The following ZWILCH variants were observed in gnomAD, a reference collection of about 807,000 sequenced individuals.
The protein encoded by ZWILCH is zwilch kinetochore protein.
Under a neutral mutation model 79.9 loss-of-function variants are expected in ZWILCH, and 74 were observed. The observed-to-expected ratio is 0.93, with a 90% confidence interval of 0.77 to 1.12. ZWILCH has a LOEUF of 1.12. Among genes scored for constraint, ZWILCH ranks in the 50% most tolerant of loss-of-function variants. ZWILCH has a pLI of 0.00. For synonymous variants in ZWILCH, 241 were observed against 228.2 expected, an observed-to-expected ratio of 1.06 and a Z score of -0.51; for missense variants, 694 against 687.5, an observed-to-expected ratio of 1.01 and a Z score of -0.11.
intron 12 of ZWILCH, 99 bp downstream of exon 12, chr15:66,529,672 C>G (rs1318600456): frequency 1.7e-5 from 15 of 872,592 alleles, no homozygotes; most frequent in Non-Finnish European, 2.8e-5. Context: ...AATTTCAGCT[C>G]TGCTACTTTC....
chr15:66,532,883 T>C, intron 13 of ZWILCH, 102 bp from the exon 14 acceptor site: 1 of 788,614 alleles, frequency 1.3e-6, no homozygotes, highest in South Asian at 3.1e-5. Flanking sequence ...AATATGTAAT[T>C]TAAGAATTTA....
In ZWILCH at chr15:66,519,086, C is replaced by A; in HGVS notation, c.520+8C>A. On this transcript the variant is annotated splice_region_variant and intron_variant, in intron 5 of 18. Transcript: ENST00000307897. ...ATGTGGTCAGTTGTAAAGGTGAGTG[C>A]TCTCTCTAGAGAGTGTGTGTGTGTA... 6.2e-7 allele frequency: 1 copy of A among 1,612,528 alleles called. No individual in the cohort carries two copies. Among genetic ancestry groups the A allele is most frequent in the Non-Finnish European group, 8.5e-7 (1 of 1,178,528 alleles).
chr15:66,507,829 A>T (rs1893885337), intron 1 of ZWILCH, among the ~76,000 whole-genome samples: 1 of 151,268 alleles, frequency 6.6e-6, no homozygotes, highest in Non-Finnish European at 1.5e-5. Flanking sequence ...GCTACTCTGG[A>T]GGCTGAGGCA....
chr15:66,539,979 C>T (rs1229126526), intron 16 of ZWILCH, 119 bp from the exon 17 acceptor site: 6 of 584,224 alleles, frequency 1.0e-5, no homozygotes, highest in Admixed American at 6.7e-5. Flanking sequence ...AATTGTGACC[C>T]GTTTACCTCT....
At chr15:66,548,105 AG>A (rs1268776121) in intron 18 of ZWILCH, 4 of 154,002 alleles carry the variant, frequency 2.6e-5, no homozygotes, top group Admixed American at 2.6e-4. Flanking sequence ...TTTATCTATC[AG>A]GTATGGGACA....
chr15:66,527,467 G>T, intron 9 of ZWILCH, 84 bp downstream of exon 9: 1 of 1,118,084 alleles, frequency 8.9e-7, no homozygotes, highest in Non-Finnish European at 1.3e-6. Context: ...ACTCTTTTTT[G>T]ATTGGAATAT....
At chr15:66,542,716 A>C (rs1477853111) in intron 17 of ZWILCH, among the ~76,000 whole-genome samples, 4 of 152,300 alleles carry the variant, frequency 2.6e-5, no homozygotes, top group African/African-American at 9.6e-5. Context: ...TGGTTTTAAA[A>C]ATAAGATATG....
chr15:66,532,402 AG>A lies in ZWILCH; in HGVS notation c.1312+1del. On this transcript the variant is annotated frameshift_variant and splice_region_variant, in exon 13 of 19. Transcript: ENST00000307897. LOFTEE classifies it high-confidence loss of function. Reference protein sequence around the residue: ...LKKDYISFFIGQELASLNHLE... With the variant: ...LKKDYISFFIXQELASLNHLE... ...AGAAAGATTATATCAGTTTTTTCAT[AG>A]GTAAGTATCTTTCCTGGCTCAAAAA... 6.2e-7 allele frequency: 1 copy of A among 1,602,128 alleles called. No homozygotes were observed. The highest frequency in any genetic ancestry group is 8.5e-7 in the Non-Finnish European group (1 of 1,176,144).
At chr15:66,511,737 T>C (rs1894074340) in intron 2 of ZWILCH, among the ~76,000 whole-genome samples, 1 of 152,094 alleles carries the variant, frequency 6.6e-6, no homozygotes, top group Non-Finnish European at 1.5e-5. Flanking sequence ...TGCTTCAGCC[T>C]CCCAAGTAGC....
At chr15:66,510,233 A>C in intron 2 of ZWILCH, among the ~76,000 whole-genome samples, 1 of 150,042 alleles carries the variant, frequency 6.7e-6, no homozygotes, top group Non-Finnish European at 1.5e-5. Flanking sequence ...TATAAAATAA[A>C]ATAAAATGCC....
chr15:66,511,358 C>T (rs1481219403), intron 2 of ZWILCH, among the ~76,000 whole-genome samples: 2 of 151,808 alleles, frequency 1.3e-5, no homozygotes, highest in Non-Finnish European at 2.9e-5. Context: ...TGTGGTGTCA[C>T]GCACCTATAG....
chr15:66,520,262 A>G (rs983745358), intron 5 of ZWILCH, among the ~76,000 whole-genome samples: 3 of 151,716 alleles, frequency 2.0e-5, no homozygotes, highest in Admixed American at 2.0e-4. Context: ...CTGGGACTAC[A>G]GGCACATGCC....
At chr15:66,505,579 G>A (rs566822059) in intron 1 of ZWILCH, 188 bp downstream of exon 1, 1 of 631,554 alleles carries the variant, frequency 1.6e-6, no homozygotes, top group South Asian at 2.0e-5. Context: ...GAGCTTGCTT[G>A]TCTCAGGAGA....
chr15:66,506,861 CTT>C (rs545920806), intron 1 of ZWILCH, among the ~76,000 whole-genome samples: 25 of 140,148 alleles, frequency 1.8e-4, no homozygotes, highest in African/African-American at 3.7e-4. Context: ...TATTTAGACC[CTT>C]TTTTTTTTTT....
At chr15:66,517,455 T>TATATATATATATATATAGAGAG (rs1180456312) in intron 4 of ZWILCH, among the ~76,000 whole-genome samples, 11 of 115,214 alleles carry the variant, frequency 9.5e-5, no homozygotes, top group African/African-American at 2.4e-4. Flanking sequence ...TATATATATA[T>TATATATATATATATATAGAGAG]AGTAATGTAC....
chr15:66,527,222 C>T, intron 8 of ZWILCH, 68 bp from the exon 9 acceptor site: 1 of 1,070,160 alleles, frequency 9.3e-7, no homozygotes, highest in Non-Finnish European at 1.4e-6. Context: ...ATTATTATTA[C>T]ATACATCCTT....
At chr15:66,511,505 A>G (rs959953033) in intron 2 of ZWILCH, among the ~76,000 whole-genome samples, 3 of 152,088 alleles carry the variant, frequency 2.0e-5, no homozygotes, top group African/African-American at 7.2e-5. Context: ...AAAAAAAAAA[A>G]AAAAAGATAA....
At chr15:66,544,693 A>T (rs1895299536) in intron 17 of ZWILCH, among the ~76,000 whole-genome samples, 1 of 137,464 alleles carries the variant, frequency 7.3e-6, no homozygotes, top group Non-Finnish European at 1.6e-5. Context: ...TGTGAAAAAA[A>T]TGCCTTGTTT....
At chr15:66,544,724 T>TTTTTTTTGTGTGTGTGTG (rs145952622) in intron 17 of ZWILCH, among the ~76,000 whole-genome samples, 2 of 128,490 alleles carry the variant, frequency 1.6e-5, no homozygotes, top group African/African-American at 3.1e-5. Context: ...TTTTTGGTTT[T>TTTTTTTTGTGTGTGTGTG]TGTGTGTGTG....
Sources: allele counts gnomAD v4.1 joint callset (sites outside exome capture counted in the v4.1 genomes callset), GRCh38; gene constraint gnomAD v4.1.1; transcripts MANE v1.5; gene names NCBI Gene and HGNC (gene_info 2026-07-23, HGNC 2026-07-21).